PRKCA: variants seen among roughly 807,000 people sequenced by gnomAD.
PRKCA encodes protein kinase C alpha, also known as protein kinase C alpha type.
PRKCA carries 27 observed loss-of-function variants against 87.0 expected under a neutral mutation model. The ratio of observed to expected loss-of-function variants is 0.31; its 90% CI spans 0.23 to 0.43. The LOEUF (loss-of-function observed/expected upper bound fraction) is 0.43. Ranked by LOEUF, PRKCA falls within the 20% of genes least tolerant of loss-of-function variation. The pLI is 1.00. For missense variants in PRKCA, 518 were observed against 852.3 expected, an observed-to-expected ratio of 0.61 and a Z score of 4.88; for synonymous variants, 329 against 311.1, an observed-to-expected ratio of 1.06 and a Z score of -0.61.
At chr17:66,743,718 T>C (rs748368216) in intron 13 of PRKCA, among the ~76,000 whole-genome samples, 30 of 152,308 alleles carry the variant, frequency 2.0e-4, no homozygotes, top group Non-Finnish European at 3.4e-4. Context: ...TGGAGACCAA[T>C]GGATCCAAAG....
chr17:66,559,454 G>C (rs115921423), intron 3 of PRKCA, among the ~76,000 whole-genome samples: 1 of 117,304 alleles, frequency 8.5e-6, no homozygotes, highest in Non-Finnish European at 1.6e-5. Flanking sequence ...CAGCCTGGGC[G>C]CAACAGAGTG....
At chr17:66,462,573 T>C (rs955996674) in intron 2 of PRKCA, among the ~76,000 whole-genome samples, 2 of 152,194 alleles carry the variant, frequency 1.3e-5, no homozygotes, top group Admixed American at 6.5e-5. Flanking sequence ...TCAAAATAGA[T>C]AAAAGACACC....
At chr17:66,371,287 C>T (rs1262239132) in intron 2 of PRKCA, among the ~76,000 whole-genome samples, 1 of 152,168 alleles carries the variant, frequency 6.6e-6, no homozygotes, top group African/African-American at 2.4e-5. Context: ...GAGAGGAGTT[C>T]AGAATGAAGA....
chr17:66,741,847 G>C (rs112172670), intron 12 of PRKCA, 126 bp downstream of exon 12: 20 of 892,828 alleles, frequency 2.2e-5, no homozygotes, highest in African/African-American at 1.2e-4. Flanking sequence ...ACAGAGACCT[G>C]CTGGGACCCA....
At chr17:66,359,537 G>A (rs574636090) in intron 2 of PRKCA, among the ~76,000 whole-genome samples, 1 of 152,314 alleles carries the variant, frequency 6.6e-6, no homozygotes, top group South Asian at 2.1e-4. Flanking sequence ...ATGTGGGCCT[G>A]AAACTCTGGA....
intron 5 of PRKCA, among the ~76,000 whole-genome samples, chr17:66,683,709 C>T (rs1362157859): frequency 2.0e-5 from 3 of 152,138 alleles, no homozygotes; most frequent in Non-Finnish European, 4.4e-5. Flanking sequence ...AAGCGATTCT[C>T]GTGCCTCAGT....
At chr17:66,704,816 T>C (rs1973150250) in intron 8 of PRKCA, among the ~76,000 whole-genome samples, 1 of 152,260 alleles carries the variant, frequency 6.6e-6, no homozygotes, top group Non-Finnish European at 1.5e-5. Flanking sequence ...TCAACAAAGA[T>C]GAGACTCTGT....
intron 2 of PRKCA, among the ~76,000 whole-genome samples, chr17:66,434,736 A>G (rs1265930349): frequency 6.6e-6 from 1 of 152,194 alleles, no homozygotes; most frequent in Admixed American, 6.5e-5. Flanking sequence ...TGCATGGCCT[A>G]GACAGCTTGC....
In PRKCA at chr17:66,774,915, T is replaced by G; in HGVS notation, c.1605+848T>G. On this transcript the variant is annotated intron_variant, in intron 14 of 16. Coordinates refer to ENST00000413366, the MANE Select transcript of PRKCA (RefSeq NM_002737.3). ...AGGAAGGTAAATTAGCTTTCTCTTATGATGTGACATGTACCAGATAACCAT... is the reference window on the plus strand; with the variant it reads ...AGGAAGGTAAATTAGCTTTCTCTTAGGATGTGACATGTACCAGATAACCAT... 8 of 985,448 alleles carry G rather than the reference T, an allele frequency of 8.1e-6. No individual in the cohort carries two copies. In the South Asian group the frequency reaches 2.3e-4, roughly 29 times the overall value. 61.0% of individuals were successfully genotyped at this position (985,448 alleles called of 1,614,324 possible).
chr17:66,550,816 T>A (rs966819451), intron 3 of PRKCA, among the ~76,000 whole-genome samples: 31 of 152,226 alleles, frequency 2.0e-4, no homozygotes, highest in Non-Finnish European at 1.5e-5. Flanking sequence ...AGCGACACAT[T>A]CGTCTTTCTT....
chr17:66,400,563 T>C (rs1425427158), intron 2 of PRKCA, among the ~76,000 whole-genome samples: 1 of 152,224 alleles, frequency 6.6e-6, no homozygotes, highest in Non-Finnish European at 1.5e-5. Flanking sequence ...TGGCTACTCT[T>C]GAGTAGTGTG....
chr17:66,743,311 C>T (rs8078703), intron 13 of PRKCA, among the ~76,000 whole-genome samples: 4,162 of 152,264 alleles, frequency 0.027, 170 homozygotes, highest in African/African-American at 0.092. Context: ...TGGGTGACAG[C>T]AAGACTCTGT....
At chr17:66,594,548 C>T (rs1311226891) in intron 3 of PRKCA, among the ~76,000 whole-genome samples, 1 of 152,048 alleles carries the variant, frequency 6.6e-6, no homozygotes, top group Non-Finnish European at 1.5e-5. Context: ...CATTACTCAG[C>T]GTGTTATTGC....
intron 2 of PRKCA, among the ~76,000 whole-genome samples, chr17:66,479,337 T>A (rs1333607633): frequency 6.6e-6 from 1 of 152,148 alleles, no homozygotes; most frequent in Non-Finnish European, 1.5e-5. Flanking sequence ...TAGCTATTAC[T>A]AAAAAGTCAA....
intron 2 of PRKCA, among the ~76,000 whole-genome samples, chr17:66,353,568 T>C (rs1907880525): frequency 6.6e-6 from 1 of 151,994 alleles, no homozygotes; most frequent in Non-Finnish European, 1.5e-5. Flanking sequence ...ATACAAAAAT[T>C]AGCCGGGTGT....
intron 2 of PRKCA, among the ~76,000 whole-genome samples, chr17:66,341,254 T>C (rs1317467384): frequency 6.6e-6 from 1 of 152,230 alleles, no homozygotes; most frequent in Non-Finnish European, 1.5e-5. Flanking sequence ...GTAGTACTGC[T>C]TGCTGGGCAG....
At position 66,803,832 on chromosome 17, in the gene PRKCA, A is replaced by C. The variant is rs370155398; in HGVS notation, c.1855-41A>C. 252 of 1,605,032 alleles carry C rather than the reference A, an allele frequency of 1.6e-4. 3 individuals are homozygous for C. In the South Asian group the frequency reaches 2.4e-3, roughly 15 times the overall value. On this transcript the variant is annotated intron_variant, in intron 16 of 16. Transcript: ENST00000413366. The surrounding 1 kb of genome is among the most constrained non-coding windows in gnomAD (Gnocchi z 4.4). Reference sequence around the variant, plus strand: ...CTCGGAGAGCTGCTCCCGCATTGTCATGTTGACTGACCTTTCCTTCTTTTT... The same window carrying C: ...CTCGGAGAGCTGCTCCCGCATTGTCCTGTTGACTGACCTTTCCTTCTTTTT...
Position 66,810,572 on chromosome 17 carries a change from A to G in PRKCA, c.*6535A>G, listed in dbSNP as rs1976141009. ...TACTGACAAAATGTAGAGGCCATTC[A>G]ACCGTCAAACACCATTTGGTTATAT... On this transcript the variant is annotated 3_prime_UTR_variant, in exon 17 of 17. Transcript: ENST00000413366. 6.6e-6 allele frequency: 1 copy of G among 152,238 alleles called. No individual in the cohort carries two copies. Among genetic ancestry groups the G allele is most frequent in the South Asian group, 2.1e-4 (1 of 4,838 alleles). 9.4% of individuals were successfully genotyped at this position (152,238 alleles called of 1,614,324 possible).
chr17:66,572,475 G>GA lies in PRKCA; in HGVS notation c.289-68870dup, dbSNP rs34586094. On this transcript the variant is annotated intron_variant, in intron 3 of 16. Coordinates refer to ENST00000413366, the MANE Select transcript of PRKCA (RefSeq NM_002737.3). ...GAGCAAGGCTCCATCTCAGGGGGAG[G>GA]AAAAAAAAAAGAATATCAGTAACTG... 6.1e-5 allele frequency among the ~76,000 whole-genome samples: 9 copies of GA among 148,242 alleles called. 1 individual carries two copies. The East Asian group carries it at 7.8e-4, about 13-fold the overall frequency.
Sources: allele counts gnomAD v4.1 joint callset (sites outside exome capture counted in the v4.1 genomes callset), GRCh38; gene constraint gnomAD v4.1.1; non-coding constraint Gnocchi (gnomAD v3.1); transcripts MANE v1.5; gene names NCBI Gene and HGNC (gene_info 2026-07-23, HGNC 2026-07-21).